ECI1: variants seen among roughly 807,000 people sequenced by gnomAD.
ECI1 encodes enoyl-CoA delta isomerase 1, also known as enoyl-CoA delta isomerase 1, mitochondrial.
Under a neutral mutation model 34.2 loss-of-function variants are expected in ECI1, and 34 were observed. The ratio of observed to expected loss-of-function variants is 1.00; its 90% CI spans 0.76 to 1.33. The LOEUF (loss-of-function observed/expected upper bound fraction) is 1.33, where lower values mean the gene tolerates loss of function less well. Among genes scored for constraint, ECI1 ranks in the 40% most tolerant of loss-of-function variants. The pLI, the probability that ECI1 is intolerant of heterozygous loss-of-function variation, is 0.00. For synonymous variants in ECI1, 211 were observed against 193.0 expected (o/e 1.09, Z -0.77); for missense variants, 456 against 422.2 (o/e 1.08, Z -0.70).
chr16:2,248,876 T>C (rs1486420842), intron 2 of ECI1, among the ~76,000 whole-genome samples: 1 of 152,116 alleles, frequency 6.6e-6, no homozygotes, highest in Non-Finnish European at 1.5e-5. Flanking sequence ...CCCTAGCCCC[T>C]GGAAGCCGCC....
intron 2 of ECI1, among the ~76,000 whole-genome samples, chr16:2,248,161 A>G (rs2093544843): frequency 6.6e-6 from 1 of 151,706 alleles, no homozygotes; most frequent in African/African-American, 2.4e-5. Context: ...CAGTGGCGCG[A>G]TCTCAGCTCA....
At chr16:2,249,713 T>G (rs1233431072) in intron 2 of ECI1, among the ~76,000 whole-genome samples, 1 of 134,444 alleles carries the variant, frequency 7.4e-6, no homozygotes, top group Non-Finnish European at 1.7e-5. Context: ...CCACTAAAAA[T>G]ACCAAAAAAA....
intron 2 of ECI1, among the ~76,000 whole-genome samples, chr16:2,250,043 C>A (rs1180335764): frequency 7.0e-6 from 1 of 143,856 alleles, no homozygotes; most frequent in African/African-American, 2.5e-5. Flanking sequence ...TTTTTTTTTG[C>A]ATTTTGTTGA....
chr16:2,245,743 T>A (rs931507869), intron 3 of ECI1, among the ~76,000 whole-genome samples: 2 of 152,012 alleles, frequency 1.3e-5, no homozygotes, highest in African/African-American at 4.8e-5. Context: ...CCAGGTGCAA[T>A]GGCTCGCACC....
chr16:2,243,478 G>A, intron 4 of ECI1, 39 bp from the exon 5 acceptor site: 4 of 1,605,788 alleles, frequency 2.5e-6, no homozygotes, highest in Non-Finnish European at 2.5e-6. Context: ...AGGTGCTGCT[G>A]GTCCCAACCA....
chr16:2,247,135 C>T (rs575029900), intron 2 of ECI1, 149 bp from the exon 3 acceptor site: 2 of 1,068,520 alleles, frequency 1.9e-6, no homozygotes, highest in Non-Finnish European at 2.7e-6. Context: ...CTCGCTCTGT[C>T]ACCCAGGCTG....
In ECI1 at chr16:2,240,162, G is replaced by A. The variant is rs376546019; in HGVS notation, c.743-17C>T. The stretch of plus-strand genomic sequence containing the variant: ...GAGCATGGTCTAAAGAGAATGGGAC[G>A]TGCCACTGAAATCCCACTTTCAGGG... On this transcript the variant is annotated splice_polypyrimidine_tract_variant and intron_variant, in intron 6 of 6. Transcript: ENST00000301729. 149 of 1,612,394 alleles carry A rather than the reference G, an allele frequency of 9.2e-5. No homozygotes were observed. The highest frequency in any genetic ancestry group is 3.3e-4 in the Middle Eastern group (2 of 6,006).
chr16:2,248,963 C>T (rs1370428106), intron 2 of ECI1, among the ~76,000 whole-genome samples: 2 of 152,118 alleles, frequency 1.3e-5, no homozygotes, highest in African/African-American at 4.8e-5. Context: ...GCTTTGTTGT[C>T]GGCTTTGTCC....
intron 4 of ECI1, 60 bp from the exon 5 acceptor site, chr16:2,243,499 G>T (rs536117211): frequency 7.3e-5 from 116 of 1,599,332 alleles, no homozygotes; most frequent in Non-Finnish European, 4.2e-5. Context: ...CATTCCAGAG[G>T]GCCAGGTCCA....
In ECI1 at chr16:2,243,421, C is replaced by T. The variant is rs992111836; in HGVS notation, c.460G>A (p.Gly154Ser). 1 of 1,613,164 alleles carries T rather than the reference C, an allele frequency of 6.2e-7. No individual in the cohort carries two copies. The highest frequency in any genetic ancestry group is 8.5e-7 in the Non-Finnish European group (1 of 1,180,034). Residue 154 changes from glycine (G) to serine (S), a missense_variant, in exon 5 of 7, where the codon GGC becomes AGC. Gly to Ser is a moderately conservative substitution (Grantham distance 56, BLOSUM62 0). Coordinates refer to ENST00000301729, the MANE Select transcript of ECI1 (RefSeq NM_001919.4). The part of the protein sequence containing the change: ...SAINGACPAG[G>S]CLVALTCDYR... ...TCACAGGTCAGGGCCACCAGGCAGC[C>T]TCCAGCGGGGCAGGCTCCCTGCAGG... is the stretch of plus-strand genomic sequence containing the variant.
Position 2,251,353 on chromosome 16 carries a change from C to A in ECI1, c.129G>T (p.Gly43=). Residue 43 remains glycine, a synonymous_variant, in exon 2 of 7, where the codon GGG becomes GGT. Transcript: ENST00000301729. ...CCGGCTCCACCAGCACCCGCTGGCT[C>A]CCGAAGCGCCGCGCGCCGTCTCCGC... The part of the protein sequence containing the change: ...AGGGDGARRF[G]SQRVLVEPDA... The A allele has an allele frequency of 3.2e-6, 4 of 1,249,324 alleles. No homozygotes were observed. The highest frequency in any genetic ancestry group is 4.0e-6 in the Non-Finnish European group (4 of 996,602). The allele number at this position is 1,249,324 out of a possible 1,614,324, so 77.4% of individuals were successfully genotyped here. A position where few individuals can be genotyped will look rare whatever the true frequency, so the allele number is the denominator to read the frequency against.
At chr16:2,248,421 ATT>A (rs919367338) in intron 2 of ECI1, among the ~76,000 whole-genome samples, 1 of 143,460 alleles carries the variant, frequency 7.0e-6, no homozygotes. Flanking sequence ...TTCTATCTTT[ATT>A]TTTTTTTTGA....
intron 3 of ECI1, among the ~76,000 whole-genome samples, chr16:2,244,774 C>G (rs1201529769): frequency 2.0e-5 from 3 of 152,240 alleles, no homozygotes; most frequent in Non-Finnish European, 4.4e-5. Context: ...CTTCCCTTTC[C>G]CGCTTCAAAC....
At chr16:2,240,879 G>A (rs905149324) in intron 6 of ECI1, 1 of 151,886 alleles carries the variant, frequency 6.6e-6, no homozygotes, top group African/African-American at 2.4e-5. Context: ...ATTTTTAGTA[G>A]AGAAGGGGTT....
chr16:2,244,496 G>A lies in ECI1; in HGVS notation c.351C>T (p.Ser117=), dbSNP rs769775669. ...GLDLTEMCGR[S]PAHYAGYWKA... ...TCCAGTACCCAGCGTAGTGGGCGGG[G>A]CTCCTCCCACACATCTCCGTCAGGT... is the stretch of plus-strand genomic sequence containing the variant. Residue 117 remains serine, a synonymous_variant, in exon 4 of 7, where the codon AGC becomes AGT. Coordinates refer to ENST00000301729, the MANE Select transcript of ECI1 (RefSeq NM_001919.4). The A allele has an allele frequency of 6.2e-7, 1 of 1,607,710 alleles. No homozygotes were observed. Among genetic ancestry groups the A allele is most frequent in the South Asian group, 1.1e-5 (1 of 89,902 alleles).
intron 2 of ECI1, among the ~76,000 whole-genome samples, chr16:2,249,990 T>G (rs1416346579): frequency 6.9e-6 from 1 of 144,772 alleles, no homozygotes; most frequent in Non-Finnish European, 1.5e-5. Context: ...CCAGCCTGGG[T>G]GACAGAGGGA....
At chr16:2,249,863 C>G (rs1421416052) in intron 2 of ECI1, among the ~76,000 whole-genome samples, 1 of 96,570 alleles carries the variant, frequency 1.0e-5, no homozygotes, top group African/African-American at 4.2e-5. Flanking sequence ...GGCGACAGAG[C>G]AAGACTCCGT....
At chr16:2,247,061 T>C in intron 2 of ECI1, 75 bp from the exon 3 acceptor site, 1 of 1,530,056 alleles carries the variant, frequency 6.5e-7, no homozygotes, top group Non-Finnish European at 9.0e-7. Context: ...CACCCTCAAC[T>C]AAGCCATGAT....
chr16:2,243,587 G>T, intron 4 of ECI1, 148 bp from the exon 5 acceptor site: 1 of 965,410 alleles, frequency 1.0e-6, no homozygotes, highest in Non-Finnish European at 1.6e-6. Flanking sequence ...GCTGGGCTGG[G>T]TGTGCACTGG....
Sources: allele counts gnomAD v4.1 joint callset (sites outside exome capture counted in the v4.1 genomes callset), GRCh38; gene constraint gnomAD v4.1.1; transcripts MANE v1.5; gene names NCBI Gene and HGNC (gene_info 2026-07-23, HGNC 2026-07-21).